The following MATCAP2 variants were observed in gnomAD, a reference collection of about 807,000 sequenced individuals.
MATCAP2 encodes putative tyrosine carboxypeptidase MATCAP2.
chr7:36,328,435 G>A, the MATCAP2 span, among the ~76,000 whole-genome samples: 1 of 152,156 alleles, frequency 6.6e-6, no homozygotes, highest in South Asian at 2.1e-4. Context: ...TCCAGGCTCA[G>A]TAGGAAGGCT....
the MATCAP2 span, among the ~76,000 whole-genome samples, chr7:36,382,041 T>C: frequency 1.3e-5 from 2 of 151,800 alleles, no homozygotes; most frequent in Non-Finnish European, 2.9e-5. Flanking sequence ...GCCTGTAATC[T>C]CAGCATTTTG....
At chr7:36,330,939 G>C in the MATCAP2 span, 67 of 1,126,768 alleles carry the variant, frequency 5.9e-5, no homozygotes, top group East Asian at 7.7e-4. Context: ...GGGGAATGCT[G>C]ATCTGGGGTG....
the MATCAP2 span, among the ~76,000 whole-genome samples, chr7:36,374,623 T>G: frequency 6.6e-6 from 1 of 152,186 alleles, no homozygotes; most frequent in Admixed American, 6.5e-5. Flanking sequence ...TGTGCCATGT[T>G]GGTTTGCTGC....
chr7:36,357,181 T>G, the MATCAP2 span: 1 of 1,614,188 alleles, frequency 6.2e-7, no homozygotes. Context: ...GTGGCAGTAC[T>G]ATGCCATTCC....
the MATCAP2 span, chr7:36,356,833 G>T: frequency 7.9e-7 from 1 of 1,260,298 alleles, no homozygotes; most frequent in Non-Finnish European, 1.2e-6. Flanking sequence ...CTTTGTTTTT[G>T]CTTATAAGAT....
the MATCAP2 span, among the ~76,000 whole-genome samples, chr7:36,352,998 G>A: frequency 5.9e-5 from 9 of 151,910 alleles, no homozygotes; most frequent in African/African-American, 9.7e-5. Context: ...GGTCAGGCCC[G>A]GCGCAGTGGC....
chr7:36,336,088 A>C, the MATCAP2 span: 17 of 1,191,224 alleles, frequency 1.4e-5, no homozygotes, highest in Admixed American at 4.2e-4. Context: ...AAAATAAATA[A>C]AATAAAATAA....
At chr7:36,334,535 C>CAAAAAAA in the MATCAP2 span, among the ~76,000 whole-genome samples, 2 of 49,522 alleles carry the variant, frequency 4.0e-5, no homozygotes, top group Non-Finnish European at 6.7e-5. Flanking sequence ...GATCCCATCT[C>CAAAAAAA]AAAAAAAAAA....
At chr7:36,369,207 G>A in the MATCAP2 span, among the ~76,000 whole-genome samples, 1 of 152,136 alleles carries the variant, frequency 6.6e-6, no homozygotes. Context: ...AACAGAAAGT[G>A]TGTGCATTTT....
the MATCAP2 span, among the ~76,000 whole-genome samples, chr7:36,335,778 A>G: frequency 6.6e-6 from 1 of 151,998 alleles, no homozygotes; most frequent in Non-Finnish European, 1.5e-5. Flanking sequence ...TACAGAAAAG[A>G]ACTACGACTA....
At chr7:36,386,719 T>A in the MATCAP2 span, among the ~76,000 whole-genome samples, 1 of 152,146 alleles carries the variant, frequency 6.6e-6, no homozygotes, top group East Asian at 1.9e-4. Flanking sequence ...TAAAAAATCA[T>A]GTTCACCTTC....
the MATCAP2 span, among the ~76,000 whole-genome samples, chr7:36,386,951 T>C: frequency 5.9e-5 from 9 of 152,164 alleles, no homozygotes; most frequent in African/African-American, 1.7e-4. Context: ...AGGATAGTCA[T>C]GGCATCATGG....
the MATCAP2 span, among the ~76,000 whole-genome samples, chr7:36,335,424 A>C: frequency 6.6e-6 from 1 of 152,200 alleles, no homozygotes; most frequent in African/African-American, 2.4e-5. Flanking sequence ...TGAGGAAGAC[A>C]CGAAGGACTT....
At chr7:36,342,581 C>T in the MATCAP2 span, among the ~76,000 whole-genome samples, 9 of 152,268 alleles carry the variant, frequency 5.9e-5, no homozygotes, top group Non-Finnish European at 1.0e-4. Flanking sequence ...GTCTTCAGAC[C>T]AGTCTTAAGC....
the MATCAP2 span, among the ~76,000 whole-genome samples, chr7:36,369,237 A>G: frequency 6.6e-6 from 1 of 152,256 alleles, no homozygotes; most frequent in Non-Finnish European, 1.5e-5. Context: ...CTAAAATAAT[A>G]TAGAATTATA....
chr7:36,359,160 A>G, the MATCAP2 span, among the ~76,000 whole-genome samples: 1 of 152,180 alleles, frequency 6.6e-6, no homozygotes, highest in Non-Finnish European at 1.5e-5. Context: ...AACAGGAAAG[A>G]CCCTAAACCA....
At chr7:36,329,466 T>TA in the MATCAP2 span, among the ~76,000 whole-genome samples, 1 of 152,006 alleles carries the variant, frequency 6.6e-6, no homozygotes, top group African/African-American at 2.4e-5. Context: ...AAATACCAAT[T>TA]AAAAGGAAAC....
At chr7:36,327,735 T>C in the MATCAP2 span, among the ~76,000 whole-genome samples, 9 of 152,224 alleles carry the variant, frequency 5.9e-5, no homozygotes, top group African/African-American at 2.2e-4. Flanking sequence ...AAAATACTCA[T>C]TGGAGCATGT....
At chr7:36,356,941 T>TA in the MATCAP2 span, 1 of 1,614,112 alleles carries the variant, frequency 6.2e-7, no homozygotes, top group African/African-American at 1.3e-5. Flanking sequence ...TATGCTTAGC[T>TA]AATACGCTTG....
Sources: allele counts gnomAD v4.1 joint callset (sites outside exome capture counted in the v4.1 genomes callset), GRCh38; gene constraint gnomAD v4.1.1; transcripts MANE v1.5; gene names NCBI Gene and HGNC (gene_info 2026-07-23, HGNC 2026-07-21).